Variants in MSH4 observed in about 807,000 individuals in gnomAD.
The protein encoded by MSH4 is mutS homolog 4, also known as mutS protein homolog 4.
In MSH4, 106 loss-of-function variants were observed where a neutral mutation model predicts 113.7. The ratio of observed to expected loss-of-function variants is 0.93; its 90% CI spans 0.80 to 1.10. MSH4 has a LOEUF of 1.10. Ranked by LOEUF, MSH4 falls within the 50% of genes least tolerant of loss-of-function variation. MSH4 has a pLI of 0.00. For missense variants in MSH4, 1,061 were observed against 1,093.7 expected (o/e 0.97, Z 0.42); for synonymous variants, 368 against 380.2 (o/e 0.97, Z 0.37).
intron 4 of MSH4, among the ~76,000 whole-genome samples, chr1:75,813,105 G>A (rs1650222896): frequency 6.6e-6 from 1 of 152,138 alleles, no homozygotes; most frequent in Non-Finnish European, 1.5e-5. Flanking sequence ...CAAGGCTGAT[G>A]TCATCTCAGC....
At chr1:75,807,882 G>A (rs918815338) in intron 3 of MSH4, among the ~76,000 whole-genome samples, 3 of 152,098 alleles carry the variant, frequency 2.0e-5, no homozygotes, top group Non-Finnish European at 2.9e-5. Context: ...GTTGACCAGG[G>A]CCCAGAGAGA....
chr1:75,807,111 C>T lies in MSH4; in HGVS notation c.558C>T (p.Ser186=). The change falls in exon 3 of 20, where the codon TCC becomes TCT. Residue 186 remains serine (S), a synonymous_variant. Transcript: ENST00000263187. ...TAAAAAACCCCCAAATTATACTATC[C>T]CAGTTTGCAGACAACACAACATATG... ...IDLKNPQIIL[S]QFADNTTYAK... is the part of the protein sequence containing the mutation. 1 of 1,573,004 alleles carries T rather than the reference C, an allele frequency of 6.4e-7. No individual in the cohort carries two copies. Among genetic ancestry groups the T allele is most frequent in the Non-Finnish European group, 8.6e-7 (1 of 1,168,150 alleles).
At chr1:75,828,288 C>T (rs1284838971) in intron 7 of MSH4, among the ~76,000 whole-genome samples, 1 of 152,114 alleles carries the variant, frequency 6.6e-6, no homozygotes, top group Admixed American at 6.5e-5. Context: ...ACCATTCAAC[C>T]CAGCAATCCC....
At position 75,867,566 on chromosome 1, in the gene MSH4, T is replaced by C. The variant is rs1335111881; in HGVS notation, c.1283T>C (p.Leu428Ser). 1.3e-6 allele frequency: 2 copies of C among 1,576,126 alleles called. No individual in the cohort carries two copies. Among genetic ancestry groups the C allele is most frequent in the Middle Eastern group, 1.7e-4 (1 of 5,992 alleles). The change falls in exon 9 of 20, where the codon TTG becomes TCG. Residue 428 changes from leucine to serine, a missense_variant. Physicochemically the swap from Leu to Ser is moderately radical, Grantham distance 145. Transcript: ENST00000263187. ...ITNLIYLKHT[L>S]ELVDPLKIAM... ...AATTTAATATACTTAAAACATACCT[T>C]GGAACTTGTGGATCCTTTAAAGGTA...
intron 7 of MSH4, among the ~76,000 whole-genome samples, chr1:75,831,970 C>A (rs3015557): frequency 6.6e-6 from 1 of 152,102 alleles, no homozygotes; most frequent in Non-Finnish European, 1.5e-5. Flanking sequence ...ACACAAAAAA[C>A]CCTTCAAAAA....
At chr1:75,832,779 CGTAT>C (rs1428565994) in intron 7 of MSH4, among the ~76,000 whole-genome samples, 1 of 80,132 alleles carries the variant, frequency 1.2e-5, no homozygotes, top group African/African-American at 4.9e-5. Flanking sequence ...ATTGATGGAA[CGTAT>C]CTCAAAATAA....
intron 17 of MSH4, among the ~76,000 whole-genome samples, chr1:75,893,976 T>C (rs1557528490): frequency 6.6e-6 from 1 of 151,860 alleles, no homozygotes; most frequent in Admixed American, 6.6e-5. Context: ...CTTAGGGAGG[T>C]TGGAATGTTA....
At chr1:75,854,412 C>T (rs975280381) in intron 8 of MSH4, among the ~76,000 whole-genome samples, 2 of 152,104 alleles carry the variant, frequency 1.3e-5, no homozygotes, top group African/African-American at 2.4e-5. Flanking sequence ...TGCCCTTCTA[C>T]GCAGAGGAGG....
At chr1:75,819,754 A>G (rs1018094706) in intron 6 of MSH4, among the ~76,000 whole-genome samples, 6 of 152,210 alleles carry the variant, frequency 3.9e-5, no homozygotes. Context: ...TTTGTAGCCC[A>G]GGCTGGAGTG....
At chr1:75,853,296 C>T (rs1191860752) in intron 8 of MSH4, among the ~76,000 whole-genome samples, 4 of 152,088 alleles carry the variant, frequency 2.6e-5, no homozygotes, top group Non-Finnish European at 5.9e-5. Context: ...AACTCCTGAC[C>T]TCAAGTGATC....
In MSH4 at chr1:75,898,106, A is replaced by G. The variant is rs764909615; in HGVS notation, c.2530+25A>G. 5 of 1,377,962 alleles carry G rather than the reference A, an allele frequency of 3.6e-6. No individual in the cohort carries two copies. The Admixed American group carries it at 9.5e-5, about 26-fold the overall frequency. The allele number at this position is 1,377,962 out of a possible 1,614,324, so 85.4% of individuals were successfully genotyped here. On this transcript the variant is annotated intron_variant, in intron 18 of 19. Coordinates refer to ENST00000263187, the MANE Select transcript of MSH4 (RefSeq NM_002440.4). ...GGTACTGCATATAGAAATTATACCT[A>G]TACATTCAAATACTATATATTCTCC...
chr1:75,823,094 T>C (rs550651434), intron 7 of MSH4, among the ~76,000 whole-genome samples: 32 of 152,308 alleles, frequency 2.1e-4, no homozygotes, highest in Non-Finnish European at 3.7e-4. Flanking sequence ...TGCCCCTTTC[T>C]AGCTTTTGGT....
At chr1:75,834,854 A>C (rs765459839) in intron 7 of MSH4, among the ~76,000 whole-genome samples, 5 of 152,210 alleles carry the variant, frequency 3.3e-5, no homozygotes, top group Non-Finnish European at 7.3e-5. Flanking sequence ...GCACACCAAC[A>C]TGGCACATGT....
intron 8 of MSH4, among the ~76,000 whole-genome samples, chr1:75,862,402 A>T (rs1459844502): frequency 1.3e-5 from 2 of 152,166 alleles, no homozygotes; most frequent in Non-Finnish European, 2.9e-5. Flanking sequence ...AGCTCTTCCT[A>T]TTTGGCCATC....
intron 8 of MSH4, among the ~76,000 whole-genome samples, chr1:75,864,338 T>C (rs1651519090): frequency 6.6e-6 from 1 of 152,232 alleles, no homozygotes; most frequent in African/African-American, 2.4e-5. Context: ...TGTACCCATC[T>C]CTTAATGTAA....
intron 8 of MSH4, among the ~76,000 whole-genome samples, chr1:75,860,549 A>C (rs549616047): frequency 9.2e-5 from 14 of 152,314 alleles, no homozygotes; most frequent in African/African-American, 1.9e-4. Context: ...ATATGAAATT[A>C]TGGGTTGAAA....
chr1:75,816,595 T>C, intron 6 of MSH4, 49 bp downstream of exon 6: 1 of 1,106,628 alleles, frequency 9.0e-7, no homozygotes, highest in Middle Eastern at 2.9e-4. Context: ...ATATATATAT[T>C]TTTCTATTAA....
At chr1:75,877,045 C>T (rs1428880768) in intron 10 of MSH4, 45 bp downstream of exon 10, 1 of 1,258,482 alleles carries the variant, frequency 7.9e-7, no homozygotes, top group East Asian at 2.5e-5. Flanking sequence ...TTATTCTCTT[C>T]TTCCTGATCA....
chr1:75,838,177 G>T (rs1650872884), intron 7 of MSH4, among the ~76,000 whole-genome samples: 1 of 152,162 alleles, frequency 6.6e-6, no homozygotes, highest in African/African-American at 2.4e-5. Flanking sequence ...TTTTCCAAAG[G>T]CTCTGGAGGG....
Sources: gnomAD v4.1 joint callset for allele counts (sites outside exome capture counted in the v4.1 genomes callset) on GRCh38, gnomAD v4.1.1 for gene constraint, MANE v1.5 for transcripts, NCBI Gene and HGNC (gene_info 2026-07-23, HGNC 2026-07-21) for gene names.